RHOT1: variants seen among roughly 807,000 people sequenced by gnomAD.
RHOT1 encodes the protein ras homolog family member T1, also known as mitochondrial Rho GTPase 1.
RHOT1 carries 27 observed loss-of-function variants against 95.3 expected under a neutral mutation model. That is an observed-to-expected ratio of 0.28 (90% confidence interval 0.21 to 0.39). The LOEUF is 0.39. RHOT1 is among the 10% of genes least tolerant of loss of function. The pLI is 1.00. For missense variants in RHOT1, 578 were observed against 786.7 expected (o/e 0.73, Z 3.17); for synonymous variants, 227 against 263.5 (o/e 0.86, Z 1.34).
At chr17:32,222,834 T>C (rs935074365) in intron 19 of RHOT1, 1 of 985,662 alleles carries the variant, frequency 1.0e-6, no homozygotes, top group Non-Finnish European at 1.2e-6. Context: ...ACCAGGTGCA[T>C]GCTGTCAGCT....
At position 32,153,500 on chromosome 17, in the gene RHOT1, A is replaced by C. The variant is rs1449342759; in HGVS notation, c.37+10771A>C. Among the ~76,000 whole-genome samples the C allele has an allele frequency of 2.6e-5, 4 of 152,326 alleles. No individual in the cohort carries two copies. The South Asian group carries it at 8.3e-4, about 32-fold the overall frequency. On this transcript the variant is annotated intron_variant, in intron 1 of 19. Transcript: ENST00000545287. ...ATAATGAGAACCTATCTGTACAAAC[A>C]ATTTTTAAAATTAGCTGGGTAAGGT...
Position 32,199,049 on chromosome 17 carries a change from A to C in RHOT1, c.954+18A>C, listed in dbSNP as rs1198139999. ...ATGATTTGGTAAGCCTTTAGCTGTAATTTTCCATTATATATAGTAAAACAT... is the reference window on the plus strand; with the variant it reads ...ATGATTTGGTAAGCCTTTAGCTGTACTTTTCCATTATATATAGTAAAACAT... On this transcript the variant is annotated intron_variant, in intron 12 of 19. Transcript: ENST00000545287. The C allele has an allele frequency of 6.6e-7, 1 of 1,517,336 alleles. No individual in the cohort carries two copies. Among genetic ancestry groups the C allele is most frequent in the South Asian group, 1.1e-5 (1 of 88,348 alleles). 94.0% of individuals were successfully genotyped at this position (1,517,336 alleles called of 1,614,324 possible). A position where few individuals can be genotyped will look rare whatever the true frequency, so the allele number is the denominator to read the frequency against.
intron 8 of RHOT1, among the ~76,000 whole-genome samples, chr17:32,183,529 T>C (rs1274005347): frequency 6.6e-6 from 1 of 152,192 alleles, no homozygotes; most frequent in Non-Finnish European, 1.5e-5. Flanking sequence ...TTGGCAACAA[T>C]AACAACAAAA....
chr17:32,162,010 C>T (rs894650457), intron 1 of RHOT1, among the ~76,000 whole-genome samples: 39 of 152,182 alleles, frequency 2.6e-4, no homozygotes, highest in Non-Finnish European at 5.3e-4. Flanking sequence ...GACCTGTTCA[C>T]CAACCAGGAA....
intron 8 of RHOT1, among the ~76,000 whole-genome samples, chr17:32,188,964 A>C (rs1222784313): frequency 6.6e-6 from 1 of 152,184 alleles, no homozygotes; most frequent in Non-Finnish European, 1.5e-5. Flanking sequence ...GTATTTCCCA[A>C]ACTTACCTCA....
chr17:32,147,743 C>G lies in RHOT1; in HGVS notation c.37+5014C>G, dbSNP rs180896717. 6.3e-4 allele frequency among the ~76,000 whole-genome samples: 95 copies of G among 151,732 alleles called. No individual in the cohort carries two copies. In the East Asian group the frequency reaches 8.9e-3, roughly 14 times the overall value. ...GCTGAGGCAGGAGAATCACTTGAAC[C>G]CAGGAGGCGGAGGGTGCAGTGAGCG... On this transcript the variant is annotated intron_variant, in intron 1 of 19. Coordinates refer to ENST00000545287, the MANE Select transcript of RHOT1 (RefSeq NM_001033566.3).
chr17:32,214,951 G>T (rs1454351271), intron 19 of RHOT1, among the ~76,000 whole-genome samples: 2 of 131,804 alleles, frequency 1.5e-5, no homozygotes, highest in African/African-American at 5.7e-5. Flanking sequence ...CTGCCACCCA[G>T]GCGGGAGTGC....
chr17:32,187,788 C>T (rs1214549019), intron 8 of RHOT1, among the ~76,000 whole-genome samples: 14 of 152,120 alleles, frequency 9.2e-5, no homozygotes, highest in Admixed American at 5.9e-4. Flanking sequence ...AGGCTGGTCT[C>T]GAACTCCTGA....
intron 1 of RHOT1, among the ~76,000 whole-genome samples, chr17:32,160,709 G>C (rs1421367480): frequency 6.6e-6 from 1 of 152,214 alleles, no homozygotes; most frequent in Non-Finnish European, 1.5e-5. Context: ...TGGTGCCCAA[G>C]CTGGCATCTG....
chr17:32,183,168 C>A lies in RHOT1; in HGVS notation c.439-3C>A. The A allele has an allele frequency of 6.3e-7, 1 of 1,576,062 alleles. No homozygotes were observed. The highest frequency in any genetic ancestry group is 1.2e-5 in the South Asian group (1 of 85,296). ...TTCAGAGTGTAAAATTTTATTTTTT[C>A]AGTGTTCAGCGAAAAACCTGAAGAA... On this transcript the variant is annotated splice_region_variant and splice_polypyrimidine_tract_variant and intron_variant, in intron 7 of 19. Transcript: ENST00000545287.
chr17:32,214,618 G>A (rs2038338985), intron 19 of RHOT1, among the ~76,000 whole-genome samples: 1 of 152,162 alleles, frequency 6.6e-6, no homozygotes, highest in Non-Finnish European at 1.5e-5. Context: ...TGGGTGGTGG[G>A]ATGAGAATGG....
intron 3 of RHOT1, among the ~76,000 whole-genome samples, chr17:32,174,171 G>A (rs527818331): frequency 6.6e-6 from 1 of 152,130 alleles, no homozygotes; most frequent in Non-Finnish European, 1.5e-5. Flanking sequence ...CTTGAAATGT[G>A]ACTGTTCTAA....
At chr17:32,201,977 T>C (rs1323249747) in intron 14 of RHOT1, among the ~76,000 whole-genome samples, 4 of 152,096 alleles carry the variant, frequency 2.6e-5, no homozygotes, top group African/African-American at 9.7e-5. Context: ...AGTGATGAGA[T>C]CTCAACTCAC....
intron 1 of RHOT1, among the ~76,000 whole-genome samples, chr17:32,158,172 A>C (rs1598303755): frequency 6.6e-6 from 1 of 152,074 alleles, no homozygotes; most frequent in Non-Finnish European, 1.5e-5. Flanking sequence ...CTTAGTTAAT[A>C]TATTTTCCAT....
chr17:32,166,204 AGTTAT>A (rs775998988), intron 1 of RHOT1, among the ~76,000 whole-genome samples: 3 of 151,870 alleles, frequency 2.0e-5, no homozygotes, highest in African/African-American at 7.2e-5. Flanking sequence ...AAAAAAAAAA[AGTTAT>A]GTTCATACTA....
At chr17:32,190,090 GGTTA>G (rs2036371703) in intron 8 of RHOT1, among the ~76,000 whole-genome samples, 1 of 151,974 alleles carries the variant, frequency 6.6e-6, no homozygotes, top group African/African-American at 2.4e-5. Flanking sequence ...ATTTTCAGGT[GGTTA>G]GTTTTTAAAT....
intron 14 of RHOT1, among the ~76,000 whole-genome samples, chr17:32,202,475 G>C (rs1431200962): frequency 6.6e-6 from 1 of 152,012 alleles, no homozygotes; most frequent in African/African-American, 2.4e-5. Flanking sequence ...TTCATTTATA[G>C]GATATTTTCC....
At chr17:32,222,866 T>C in intron 19 of RHOT1, 3 of 985,860 alleles carry the variant, frequency 3.0e-6, no homozygotes, top group Non-Finnish European at 3.6e-6. Context: ...TCCATCTTCA[T>C]GGAGTCATCT....
Position 32,211,223 on chromosome 17 carries a change from C to T in RHOT1, c.1847C>T (p.Thr616Ile). ...LLQSVKNKIF[T>I]AVLNRHVTQA... ...CAATCTGTAAAGAACAAAATCTTCA[C>T]TGCAGTTCTTAACAGGTTCTTAACT... Residue 616 changes from threonine (T) to isoleucine (I), a missense_variant, in exon 19 of 20, where the codon ACT becomes ATT. By Grantham distance (89) the Thr-to-Ile change is moderately conservative. Transcript: ENST00000545287. 3 of 1,610,162 alleles carry T rather than the reference C, an allele frequency of 1.9e-6. No homozygotes were observed. The highest frequency in any genetic ancestry group is 2.5e-6 in the Non-Finnish European group (3 of 1,177,174).
Sources: allele counts gnomAD v4.1 joint callset (sites outside exome capture counted in the v4.1 genomes callset), GRCh38; gene constraint gnomAD v4.1.1; transcripts MANE v1.5; gene names NCBI Gene and HGNC (gene_info 2026-07-23, HGNC 2026-07-21).